Variants in MTHFD1 observed in about 807,000 individuals in gnomAD.
MTHFD1 encodes methylenetetrahydrofolate dehydrogenase, cyclohydrolase and formyltetrahydrofolate synthetase 1.
In MTHFD1, 44 loss-of-function variants were observed where a neutral mutation model predicts 110.3. That is an observed-to-expected ratio of 0.40 (90% CI 0.31 to 0.51). MTHFD1 has a LOEUF of 0.51. MTHFD1 is among the 20% of genes least tolerant of loss of function. The probability of loss-of-function intolerance (pLI) is 0.60; values close to 1 mark genes in which losing one functional copy is unlikely to be tolerated. For missense variants in MTHFD1, 909 were observed against 1,173.1 expected (o/e 0.77, Z 3.29); for synonymous variants, 402 against 428.8 (o/e 0.94, Z 0.77).
chr14:64,398,124 A>T (rs1014203400), intron 1 of MTHFD1, among the ~76,000 whole-genome samples: 3 of 151,354 alleles, frequency 2.0e-5, no homozygotes, highest in African/African-American at 7.3e-5. Context: ...CCCTTGTCTC[A>T]GAGCAGAATT....
At chr14:64,436,237 G>A (rs1294353702) in intron 16 of MTHFD1, among the ~76,000 whole-genome samples, 1 of 152,050 alleles carries the variant, frequency 6.6e-6, no homozygotes, top group Non-Finnish European at 1.5e-5. Flanking sequence ...TGGGACTACA[G>A]GCACCCGCCA....
chr14:64,433,721 T>C (rs564954129), intron 15 of MTHFD1, among the ~76,000 whole-genome samples: 1 of 150,562 alleles, frequency 6.6e-6, no homozygotes, highest in Admixed American at 6.6e-5. Context: ...AGCATTTTTT[T>C]TTTTTTTTTT....
intron 4 of MTHFD1, among the ~76,000 whole-genome samples, chr14:64,413,916 A>G (rs1423125783): frequency 6.6e-6 from 1 of 152,054 alleles, no homozygotes; most frequent in Non-Finnish European, 1.5e-5. Flanking sequence ...TGTAGCCTCA[A>G]CCTCCTAAGC....
chr14:64,412,605 A>G (rs1258144536), intron 4 of MTHFD1, 80 bp downstream of exon 4: 5 of 1,034,966 alleles, frequency 4.8e-6, no homozygotes, highest in Non-Finnish European at 6.1e-6. Context: ...GGCTTTGGGG[A>G]CTGACACATT....
At chr14:64,436,523 A>T (rs764069074) in intron 16 of MTHFD1, among the ~76,000 whole-genome samples, 1 of 152,216 alleles carries the variant, frequency 6.6e-6, no homozygotes, top group African/African-American at 2.4e-5. Flanking sequence ...ACTTTTCTCA[A>T]TGCACAACTA....
At chr14:64,402,393 T>TA (rs2077904513) in intron 2 of MTHFD1, among the ~76,000 whole-genome samples, 1 of 152,194 alleles carries the variant, frequency 6.6e-6, no homozygotes, top group African/African-American at 2.4e-5. Context: ...CAGGGGTGGA[T>TA]AAAAAATTTT....
At chr14:64,402,792 G>GAA (rs397743173) in intron 2 of MTHFD1, among the ~76,000 whole-genome samples, 1 of 136,254 alleles carries the variant, frequency 7.3e-6, no homozygotes, top group East Asian at 2.0e-4. Context: ...TTAGGTGACA[G>GAA]TGAGATCCTG....
At chr14:64,427,930 T>C (rs2078130353) in intron 12 of MTHFD1, among the ~76,000 whole-genome samples, 1 of 152,098 alleles carries the variant, frequency 6.6e-6, no homozygotes, top group Admixed American at 6.6e-5. Flanking sequence ...CAGTACGAGA[T>C]AGTATTGTCA....
At position 64,433,819 on chromosome 14, in the gene MTHFD1, T is replaced by C. The variant is rs180852308; in HGVS notation, c.1495-1750T>C. Among the ~76,000 whole-genome samples, 205 of 149,636 alleles carry C rather than the reference T, an allele frequency of 1.4e-3. 1 individual carries two copies. The highest frequency in any genetic ancestry group is 4.9e-3 in the African/African-American group (198 of 40,494). On this transcript the variant is annotated intron_variant, in intron 15 of 27. Transcript: ENST00000652337. ...GCTGAGGCAGGTGGATCACCTGAGG[T>C]TGGGAGTTTGAGACCAGCCTGACCA... is the stretch of plus-strand genomic sequence containing the variant.
intron 15 of MTHFD1, among the ~76,000 whole-genome samples, chr14:64,434,211 C>G (rs975262545): frequency 1.1e-4 from 16 of 151,834 alleles, no homozygotes; most frequent in African/African-American, 3.9e-4. Context: ...TTTGTCAGAC[C>G]CAGAAAAAAC....
intron 1 of MTHFD1, among the ~76,000 whole-genome samples, chr14:64,397,860 T>C (rs1034233593): frequency 1.3e-5 from 2 of 152,212 alleles, no homozygotes; most frequent in Non-Finnish European, 2.9e-5. Flanking sequence ...GAGTTAAAGG[T>C]TATATTTTAG....
At chr14:64,458,592 G>A (rs2078511908) in intron 27 of MTHFD1, 1 of 455,958 alleles carries the variant, frequency 2.2e-6, no homozygotes. Context: ...GGAAACTACA[G>A]GAGAGGTTAG....
At chr14:64,393,968 T>A (rs534736515) in intron 1 of MTHFD1, among the ~76,000 whole-genome samples, 2 of 152,220 alleles carry the variant, frequency 1.3e-5, no homozygotes, top group Admixed American at 6.5e-5. Flanking sequence ...ATGAGAACTG[T>A]CTACTTCCTG....
At chr14:64,446,141 A>C (rs1395348553) in intron 22 of MTHFD1, among the ~76,000 whole-genome samples, 1 of 152,218 alleles carries the variant, frequency 6.6e-6, no homozygotes. Flanking sequence ...ACCCTTTGTA[A>C]AAAATAATAA....
chr14:64,445,166 G>C (rs1274375650), intron 22 of MTHFD1: 2 of 274,110 alleles, frequency 7.3e-6, no homozygotes, highest in African/African-American at 4.4e-5. Flanking sequence ...GTGAGGCTGA[G>C]AAACCCTGTC....
intron 25 of MTHFD1, among the ~76,000 whole-genome samples, chr14:64,454,158 G>T (rs187831955): frequency 1.9e-3 from 293 of 152,288 alleles, no homozygotes; most frequent in African/African-American, 6.7e-3. Context: ...CATTGCCCAG[G>T]CTAGAGTGCA....
chr14:64,449,924 G>T (rs1443360647), intron 24 of MTHFD1, among the ~76,000 whole-genome samples: 2 of 152,204 alleles, frequency 1.3e-5, no homozygotes, highest in African/African-American at 2.4e-5. Flanking sequence ...AAGTAGCTGG[G>T]ATTACAGGCG....
rs1201680247 is a variant in MTHFD1 at position 64,435,699 on chromosome 14, T to G, written c.1597+28T>G. The G allele has an allele frequency of 2.9e-6, 4 of 1,392,904 alleles. No individual in the cohort carries two copies. In the East Asian group the frequency reaches 6.8e-5, roughly 24 times the overall value. 86.3% of individuals were successfully genotyped at this position (1,392,904 alleles called of 1,614,324 possible). A position where few individuals can be genotyped will look rare whatever the true frequency, so the allele number is the denominator to read the frequency against. On this transcript the variant is annotated intron_variant, in intron 16 of 27. Coordinates refer to ENST00000652337, the MANE Select transcript of MTHFD1 (RefSeq NM_005956.4). ...ACCAGAGCAGTATACAAGCCCCGTT[T>G]GTTTTGGCTATATTGCACACCCTAC...
Position 64,424,914 on chromosome 14 carries a change from G to A in MTHFD1, c.838G>A (p.Val280Ile), listed in dbSNP as rs773385413. The change falls in exon 9 of 28, where the codon GTT (valine) becomes ATT (isoleucine). Residue 280 changes from valine to isoleucine, a missense_variant. Around this residue, in one of 3 missense-constraint regions of MTHFD1, gnomAD observed 424 missense variants for 510.4 expected, o/e 0.83. Coordinates refer to ENST00000652337, the MANE Select transcript of MTHFD1 (RefSeq NM_005956.4). ...PVPGGVGPMT[V>I]AMLMQSTVES... ...TCCTGGCGGCGTAGGGCCCATGACA[G>A]TTGCAATGCTCATGCAGGTAATTGT... 2 of 1,614,196 alleles carry A rather than the reference G, an allele frequency of 1.2e-6. No homozygotes were observed. Among genetic ancestry groups the A allele is most frequent in the Non-Finnish European group, 1.7e-6 (2 of 1,180,044 alleles).
Sources: gnomAD v4.1 joint callset for allele counts (sites outside exome capture counted in the v4.1 genomes callset) on GRCh38, gnomAD v4.1.1 for gene constraint, gnomAD v4.1.1 regional missense constraint, MANE v1.5 for transcripts, NCBI Gene and HGNC (gene_info 2026-07-23, HGNC 2026-07-21) for gene names.